The following EMG1 variants were observed in gnomAD, a reference collection of about 807,000 sequenced individuals.
EMG1 encodes the protein EMG1 N1-specific pseudouridine methyltransferase.
A neutral mutation model predicts 26.9 loss-of-function variants in EMG1; 24 were observed. The observed-to-expected ratio is 0.89, with a 90% confidence interval of 0.65 to 1.26. The LOEUF (loss-of-function observed/expected upper bound fraction) is 1.26, where lower values mean the gene tolerates loss of function less well. Ranked by LOEUF, EMG1 falls within the 50% of genes most tolerant of loss-of-function variation. The pLI is 0.00. For missense variants in EMG1, 299 were observed against 307.6 expected, an observed-to-expected ratio of 0.97 and a Z score of 0.21; for synonymous variants, 140 against 112.6, an observed-to-expected ratio of 1.24 and a Z score of -1.54.
chr12:6,971,702 A>T (rs1282829609), intron 1 of EMG1, among the ~76,000 whole-genome samples: 3 of 152,220 alleles, frequency 2.0e-5, no homozygotes, highest in Non-Finnish European at 4.4e-5. Flanking sequence ...TCCTTGCGTC[A>T]TTCCACATCC....
At chr12:6,984,913 T>C (rs1946506369), downstream of EMG1, among the ~76,000 whole-genome samples, 1 of 152,188 alleles carries the variant, frequency 6.6e-6, no homozygotes, top group Admixed American at 6.6e-5. Context: ...TTTTAAATTA[T>C]GTAACTGCAG....
Position 6,975,079 on chromosome 12 carries a change from C to T in EMG1, c.413-11C>T, listed in dbSNP as rs782709593. The T allele has an allele frequency of 4.3e-6, 7 of 1,613,770 alleles. No individual in the cohort carries two copies. In the South Asian group the frequency reaches 7.7e-5, roughly 18 times the overall value. On this transcript the variant is annotated splice_polypyrimidine_tract_variant and intron_variant, in intron 3 of 5. Transcript: ENST00000599672. ...TCCATCTAGCTCTGAACTCTTTTTTCCCCCTTCTAGTTCAACTTTTACACA... is the reference window on the plus strand; with the variant it reads ...TCCATCTAGCTCTGAACTCTTTTTTTCCCCTTCTAGTTCAACTTTTACACA...
downstream of EMG1, chr12:6,983,551 A>G (rs782291816): frequency 7.2e-6 from 11 of 1,525,350 alleles, no homozygotes; most frequent in South Asian, 1.0e-4. Flanking sequence ...TAGATGGGGG[A>G]AAAGATAAGA....
chr12:6,982,880 C>T, downstream of EMG1: 3 of 759,746 alleles, frequency 3.9e-6, 1 homozygote, highest in South Asian at 3.3e-5. Context: ...ATGTTGGCAT[C>T]AGGATCTTTT....
chr12:6,979,793 G>A lies in EMG1; in HGVS notation c.*3984G>A. On this transcript the variant is annotated 3_prime_UTR_variant, in exon 6 of 6. Coordinates refer to ENST00000599672, the MANE Select transcript of EMG1 (RefSeq NM_006331.8). The stretch of plus-strand genomic sequence containing the variant: ...GACTGCAAACCTCTTAAGAGTTGTA[G>A]GAAAGTCAGGGCAGCAGACAGTGGA... The A allele has an allele frequency of 1.7e-6, 1 of 576,544 alleles. No homozygotes were observed. Among genetic ancestry groups the A allele is most frequent in the Non-Finnish European group, 3.1e-6 (1 of 322,278 alleles). 35.7% of individuals were successfully genotyped at this position (576,544 alleles called of 1,614,324 possible).
rs1250372926 is a variant in EMG1 at position 6,971,462 on chromosome 12, GA to G, written c.168+372del. 2.6e-5 allele frequency among the ~76,000 whole-genome samples: 4 copies of G among 152,154 alleles called. No individual in the cohort carries two copies. In the East Asian group the frequency reaches 7.7e-4, roughly 29 times the overall value. Reference sequence around the variant, plus strand: ...CTAATTTTTTTGTATTTTTAGTTCAGATGGGGTTTCACCATGTTGGCCACGC... The same window carrying G: ...CTAATTTTTTTGTATTTTTAGTTCAGTGGGGTTTCACCATGTTGGCCACGC... On this transcript the variant is annotated intron_variant, in intron 1 of 5. Transcript: ENST00000599672.
At chr12:6,975,598 G>T in intron 5 of EMG1, 98 bp from the exon 6 acceptor site, 1 of 1,006,680 alleles carries the variant, frequency 9.9e-7, no homozygotes, top group Non-Finnish European at 1.6e-6. Flanking sequence ...CAACAGCACA[G>T]CTGAAATACT....
At position 6,979,628 on chromosome 12, in the gene EMG1, C is replaced by A. The variant is rs1555153815; in HGVS notation, c.*3819C>A. The A allele has an allele frequency of 7.8e-7, 1 of 1,288,204 alleles. No individual in the cohort carries two copies. Among genetic ancestry groups the A allele is most frequent in the Non-Finnish European group, 1.1e-6 (1 of 884,780 alleles). The allele number at this position is 1,288,204 out of a possible 1,614,324, so 79.8% of individuals were successfully genotyped here. ...CTGGTCACAGAGAGCAGAGACTATT[C>A]CCTTCACCCTCTGACCTTCAGTTAT... On this transcript the variant is annotated 3_prime_UTR_variant, in exon 6 of 6. Coordinates refer to ENST00000599672, the MANE Select transcript of EMG1 (RefSeq NM_006331.8).
At chr12:6,981,726 G>A, downstream of EMG1, 1 of 1,411,346 alleles carries the variant, frequency 7.1e-7, no homozygotes, top group East Asian at 2.3e-5. Flanking sequence ...TATGGCGGGG[G>A]GCGGAGGGGG....
In EMG1 at chr12:6,977,982, G is replaced by A; in HGVS notation, c.*2173G>A. On this transcript the variant is annotated 3_prime_UTR_variant, in exon 6 of 6. Coordinates refer to ENST00000599672, the MANE Select transcript of EMG1 (RefSeq NM_006331.8). This position sits in a 1 kb window ranked among gnomAD's most constrained non-coding sequence, Gnocchi z 4.5. Reference sequence around the variant, plus strand: ...ACTTGGTTCAGCAGCAGTGACTGAGGCTGATGCTGAGATCAGTGGTGAACC... The same window carrying A: ...ACTTGGTTCAGCAGCAGTGACTGAGACTGATGCTGAGATCAGTGGTGAACC... The A allele has an allele frequency of 1.7e-6, 1 of 574,258 alleles. No homozygotes were observed. Among genetic ancestry groups the A allele is most frequent in the East Asian group, 3.0e-5 (1 of 33,268 alleles). The allele number at this position is 574,258 out of a possible 1,614,324, so 35.6% of individuals were successfully genotyped here.
At position 6,978,528 on chromosome 12, in the gene EMG1, T is replaced by C. The variant is rs781856031; in HGVS notation, c.*2719T>C. ...CCTTCCTGAGAGGGAATAGCTCAGT[T>C]AGGGCTCTTGCCACTCCCCATACTG... On this transcript the variant is annotated 3_prime_UTR_variant, in exon 6 of 6. Transcript: ENST00000599672. 117 of 1,612,036 alleles carry C rather than the reference T, an allele frequency of 7.3e-5. No homozygotes were observed. Among genetic ancestry groups the C allele is most frequent in the Middle Eastern group, 1.7e-4 (1 of 6,060 alleles).
In EMG1 at chr12:6,977,801, C is replaced by T. The variant is rs1946425055; in HGVS notation, c.*1992C>T. 1.2e-6 allele frequency: 2 copies of T among 1,603,706 alleles called. No individual in the cohort carries two copies. The highest frequency in any genetic ancestry group is 1.7e-6 in the Non-Finnish European group (2 of 1,173,262). On this transcript the variant is annotated 3_prime_UTR_variant, in exon 6 of 6. Coordinates refer to ENST00000599672, the MANE Select transcript of EMG1 (RefSeq NM_006331.8). This position sits in a 1 kb window ranked among gnomAD's most constrained non-coding sequence, Gnocchi z 4.5. Reference sequence around the variant, plus strand: ...AAACTGACTGGTCCTTGCATCCCGCCACCTGCCTCTGGGTCCTCACCCTGA... The same window carrying T: ...AAACTGACTGGTCCTTGCATCCCGCTACCTGCCTCTGGGTCCTCACCCTGA...
At position 6,979,562 on chromosome 12, in the gene EMG1, T is replaced by C. The variant is rs781857772; in HGVS notation, c.*3753T>C. On this transcript the variant is annotated 3_prime_UTR_variant, in exon 6 of 6. Transcript: ENST00000599672. The stretch of plus-strand genomic sequence containing the variant: ...GTAGAAAAGGCCCAGACTCAGGCGC[T>C]TGAGAGCAGGAATGATGCTGGAAAG... 4.3e-6 allele frequency: 7 copies of C among 1,613,592 alleles called. No homozygotes were observed. Among genetic ancestry groups the C allele is most frequent in the East Asian group, 2.2e-5 (1 of 44,882 alleles).
At chr12:6,991,471 A>G (rs1946590046), downstream of EMG1, among the ~76,000 whole-genome samples, 3 of 152,250 alleles carry the variant, frequency 2.0e-5, no homozygotes, top group South Asian at 2.1e-4. Context: ...AAATACTGAC[A>G]TATTTCATTA....
chr12:6,987,925 T>A lies in EMG1; in HGVS notation c.*211+87T>A. 1 of 400,002 alleles carries A rather than the reference T, an allele frequency of 2.5e-6. No homozygotes were observed. The highest frequency in any genetic ancestry group is 4.4e-6 in the Non-Finnish European group (1 of 225,874). 24.8% of individuals were successfully genotyped at this position (400,002 alleles called of 1,614,324 possible). ...GTGTCCACTTCTTATAGCCTGTCTGTCCCTTTCCTTGCTACTCTGGGATCA... is the reference window on the plus strand; with the variant it reads ...GTGTCCACTTCTTATAGCCTGTCTGACCCTTTCCTTGCTACTCTGGGATCA... On this transcript the variant is annotated intron_variant and NMD_transcript_variant, in intron 7 of 7. Coordinates refer to the EMG1 transcript ENST00000261406. The surrounding 1 kb of genome is among the most constrained non-coding windows in gnomAD (Gnocchi z 4.1).
chr12:6,995,346 T>C (rs782207983), intron 7 of EMG1, among the ~76,000 whole-genome samples: 27 of 152,026 alleles, frequency 1.8e-4, no homozygotes, highest in East Asian at 7.7e-4. Flanking sequence ...TGGTGGTGCA[T>C]GCCTGTAATC....
At position 6,978,005 on chromosome 12, in the gene EMG1, A is replaced by C. The variant is rs945386928; in HGVS notation, c.*2196A>C. On this transcript the variant is annotated 3_prime_UTR_variant, in exon 6 of 6. Coordinates refer to ENST00000599672, the MANE Select transcript of EMG1 (RefSeq NM_006331.8). ...AGGCTGATGCTGAGATCAGTGGTGA[A>C]CCAGACACTCTACTCAAGCTGCCCA... The C allele has an allele frequency of 1.8e-6, 1 of 560,656 alleles. No homozygotes were observed. Among genetic ancestry groups the C allele is most frequent in the Non-Finnish European group, 3.2e-6 (1 of 313,928 alleles). The allele number at this position is 560,656 out of a possible 1,614,324, so 34.7% of individuals were successfully genotyped here. A position where few individuals can be genotyped will look rare whatever the true frequency, so the allele number is the denominator to read the frequency against.
chr12:6,977,821 C>A lies in EMG1; in HGVS notation c.*2012C>A. 2 of 1,569,688 alleles carry A rather than the reference C, an allele frequency of 1.3e-6. No homozygotes were observed. The highest frequency in any genetic ancestry group is 2.3e-5 in the South Asian group (2 of 87,132). On this transcript the variant is annotated 3_prime_UTR_variant, in exon 6 of 6. Transcript: ENST00000599672. The surrounding 1 kb of genome is among the most constrained non-coding windows in gnomAD (Gnocchi z 4.5). ...CCCGCCACCTGCCTCTGGGTCCTCA[C>A]CCTGAGGATTGGATTGGAGTGCTGG...
chr12:6,977,352 C>G lies in EMG1; in HGVS notation c.*1543C>G. Reference sequence around the variant, plus strand: ...AGTGAGTCCCTCCCAGTCTCACAAGCAGGCCTTCACTTGCCTTAAGCCATT... The same window carrying G: ...AGTGAGTCCCTCCCAGTCTCACAAGGAGGCCTTCACTTGCCTTAAGCCATT... On this transcript the variant is annotated 3_prime_UTR_variant, in exon 6 of 6. Transcript: ENST00000599672. The surrounding 1 kb of genome is among the most constrained non-coding windows in gnomAD (Gnocchi z 4.5). The G allele has an allele frequency of 6.2e-7, 1 of 1,614,062 alleles. No homozygotes were observed. The highest frequency in any genetic ancestry group is 8.5e-7 in the Non-Finnish European group (1 of 1,179,916).
Sources: gnomAD v4.1 joint callset for allele counts (sites outside exome capture counted in the v4.1 genomes callset) on GRCh38, gnomAD v4.1.1 for gene constraint, Gnocchi (gnomAD v3.1) non-coding constraint, MANE v1.5 for transcripts, NCBI Gene and HGNC (gene_info 2026-07-23, HGNC 2026-07-21) for gene names.